The following TRAF2 variants were observed in gnomAD, a reference collection of about 807,000 sequenced individuals.
TRAF2 encodes TNF receptor associated factor 2, also known as TNF receptor-associated factor 2.
TRAF2 carries 6 observed loss-of-function variants against 55.6 expected under a neutral mutation model. The observed-to-expected ratio is 0.11, with a 90% CI of 0.06 to 0.21. The LOEUF (loss-of-function observed/expected upper bound fraction) is 0.21, where lower values mean the gene tolerates loss of function less well. Among genes scored for constraint, TRAF2 ranks in the 10% least tolerant of loss-of-function variants. The probability of loss-of-function intolerance (pLI) is 1.00; values close to 1 mark genes in which losing one functional copy is unlikely to be tolerated. For synonymous variants in TRAF2, 329 were observed against 276.3 expected, an observed-to-expected ratio of 1.19 and a Z score of -1.89; for missense variants, 561 against 684.5, an observed-to-expected ratio of 0.82 and a Z score of 2.01.
At chr9:136,911,289 A>G (rs1850100400) in intron 6 of TRAF2, among the ~76,000 whole-genome samples, 4 of 125,858 alleles carry the variant, frequency 3.2e-5, no homozygotes, top group South Asian at 2.4e-4. Context: ...TTTTTTGGAG[A>G]CAGAGTTTCG....
chr9:136,918,995 A>G (rs1358828643), intron 7 of TRAF2, among the ~76,000 whole-genome samples: 1 of 151,830 alleles, frequency 6.6e-6, no homozygotes, highest in East Asian at 1.9e-4. Context: ...TCAGCCTCCC[A>G]AAGTACTGGG....
At chr9:136,905,633 C>T (rs1849929998) in intron 4 of TRAF2, among the ~76,000 whole-genome samples, 1 of 152,222 alleles carries the variant, frequency 6.6e-6, no homozygotes, top group Non-Finnish European at 1.5e-5. Flanking sequence ...AGCAGATTTT[C>T]AACTTCCTGT....
intron 9 of TRAF2, among the ~76,000 whole-genome samples, chr9:136,921,437 C>T (rs555029054): frequency 4.5e-4 from 68 of 152,252 alleles, no homozygotes; most frequent in East Asian, 1.4e-3. Context: ...GGGGTTGGGC[C>T]GGCTGCCCTC....
chr9:136,907,546 C>T (rs1849983516), intron 4 of TRAF2, among the ~76,000 whole-genome samples: 2 of 152,256 alleles, frequency 1.3e-5, no homozygotes, highest in South Asian at 2.1e-4. Flanking sequence ...TGCTGGCTTC[C>T]TGGTGCTGGA....
chr9:136,898,124 G>A lies in TRAF2; in HGVS notation c.-28-589G>A, dbSNP rs537479689. ...CGCTCTCGGGGCTGGAGGGGAACCC[G>A]TGGTAGCTAAAGGGAGTGCACTAGC... is the stretch of plus-strand genomic sequence containing the variant. On this transcript the variant is annotated intron_variant, in intron 1 of 10. Coordinates refer to ENST00000247668, the MANE Select transcript of TRAF2 (RefSeq NM_021138.4). Among the ~76,000 whole-genome samples the A allele has an allele frequency of 1.3e-4, 20 of 151,580 alleles. No homozygotes were observed. The South Asian group carries it at 2.9e-3, about 22-fold the overall frequency.
At chr9:136,906,490 G>A (rs999003309) in intron 4 of TRAF2, among the ~76,000 whole-genome samples, 2 of 152,044 alleles carry the variant, frequency 1.3e-5, no homozygotes, top group East Asian at 1.9e-4. Flanking sequence ...TTACTATCAC[G>A]AGAGCAGCAC....
rs140152844 is a variant in TRAF2, at chr9:136,920,964, C to T, written c.961-74C>T. The T allele has an allele frequency of 2.7e-4, 416 of 1,560,172 alleles. 3 individuals carry two copies. In the East Asian group the frequency reaches 7.8e-3, roughly 29 times the overall value. ...CCAAGAGCACTGTCCTGCTGGAGAT[C>T]GGTGGGTGTGGGAGGCAGGGGCTCG... On this transcript the variant is annotated intron_variant, in intron 8 of 10. Coordinates refer to ENST00000247668, the MANE Select transcript of TRAF2 (RefSeq NM_021138.4).
intron 1 of TRAF2, 166 bp from the exon 2 acceptor site, chr9:136,898,547 C>G (rs188811256): frequency 1.0e-6 from 1 of 982,220 alleles, no homozygotes; most frequent in African/African-American, 1.8e-5. Context: ...ACTAGAGGGT[C>G]TCCAAGGCTC....
Position 136,921,280 on chromosome 9 carries a change from C to A in TRAF2, c.1138+65C>A, listed in dbSNP as rs558725270. ...TACTTGGCACCTGGGTCCCCTCACC[C>A]CTGTGACCACATAGGATGGCTCCCA... On this transcript the variant is annotated intron_variant, in intron 9 of 10. Transcript: ENST00000247668. 3.9e-5 allele frequency: 62 copies of A among 1,592,884 alleles called. No homozygotes were observed. The South Asian group carries it at 6.4e-4, about 16-fold the overall frequency.
intron 4 of TRAF2, among the ~76,000 whole-genome samples, chr9:136,903,669 G>GT (rs1211019770): frequency 6.6e-6 from 1 of 151,520 alleles, no homozygotes; most frequent in South Asian, 2.1e-4. Flanking sequence ...CAAGAGAAAG[G>GT]TTTTTTTTGT....
At chr9:136,917,520 G>A (rs1850271092) in intron 7 of TRAF2, among the ~76,000 whole-genome samples, 1 of 152,238 alleles carries the variant, frequency 6.6e-6, no homozygotes, top group Non-Finnish European at 1.5e-5. Flanking sequence ...CCCTCGAGGA[G>A]TACTGGGCCC....
intron 1 of TRAF2, among the ~76,000 whole-genome samples, chr9:136,888,073 G>A (rs1230351349): frequency 6.6e-6 from 1 of 151,936 alleles, no homozygotes; most frequent in Non-Finnish European, 1.5e-5. Flanking sequence ...GTTTCATCAT[G>A]TTGGCCAGGC....
At chr9:136,887,372 G>A (rs901767246) in intron 1 of TRAF2, among the ~76,000 whole-genome samples, 1 of 152,246 alleles carries the variant, frequency 6.6e-6, no homozygotes, top group Non-Finnish European at 1.5e-5. Context: ...CCTCTCGGGA[G>A]GCGGCCAGAT....
chr9:136,898,848 C>T lies in TRAF2; in HGVS notation c.108C>T (p.Ala36=). 1.2e-6 allele frequency: 2 copies of T among 1,613,756 alleles called. No individual in the cohort carries two copies. The highest frequency in any genetic ancestry group is 1.7e-6 in the Non-Finnish European group (2 of 1,180,042). Residue 36 remains alanine (A), a synonymous_variant, in exon 2 of 11, where the codon GCC becomes GCT. Coordinates refer to ENST00000247668, the MANE Select transcript of TRAF2 (RefSeq NM_021138.4). ...TGGAAGCCAAGTACCTGTGCTCCGC[C>T]TGCAGAAACGTCCTCCGCAGGCCCT... ...TKLEAKYLCS[A]CRNVLRRPFQ...
chr9:136,919,877 A>G (rs1195478331), intron 7 of TRAF2, among the ~76,000 whole-genome samples: 5 of 151,936 alleles, frequency 3.3e-5, no homozygotes, highest in Admixed American at 6.6e-5. Flanking sequence ...CACCATGCCC[A>G]GCTAATTTTT....
chr9:136,898,199 G>A (rs1849730340), intron 1 of TRAF2, among the ~76,000 whole-genome samples: 1 of 152,210 alleles, frequency 6.6e-6, no homozygotes, highest in Non-Finnish European at 1.5e-5. Context: ...CTGGCGGCAT[G>A]GCTCTCTCCT....
At chr9:136,917,168 C>A (rs994758741) in intron 7 of TRAF2, among the ~76,000 whole-genome samples, 3 of 152,204 alleles carry the variant, frequency 2.0e-5, no homozygotes, top group Admixed American at 2.0e-4. Flanking sequence ...CAGGCTCAGG[C>A]GCTTATGGGA....
chr9:136,882,174 CAT>C, upstream of TRAF2: 1 of 497,028 alleles, frequency 2.0e-6, no homozygotes. Flanking sequence ...AGTAAAAGGA[CAT>C]GAGGTGTGAG....
chr9:136,901,540 G>C (rs1158548882), intron 4 of TRAF2, among the ~76,000 whole-genome samples: 1 of 152,328 alleles, frequency 6.6e-6, no homozygotes, highest in East Asian at 1.9e-4. Flanking sequence ...ATTCCACTTA[G>C]GGGCCACCCT....
Sources: allele counts gnomAD v4.1 joint callset (sites outside exome capture counted in the v4.1 genomes callset), GRCh38; gene constraint gnomAD v4.1.1; transcripts MANE v1.5; gene names NCBI Gene and HGNC (gene_info 2026-07-23, HGNC 2026-07-21).